Variants in SPRYD7 observed in about 807,000 individuals in gnomAD.
The protein encoded by SPRYD7 is SPRY domain containing 7, also known as SPRY domain-containing protein 7.
A neutral mutation model predicts 23.8 loss-of-function variants in SPRYD7; 14 were observed. The observed-to-expected ratio is 0.59, with a 90% CI of 0.39 to 0.92. The LOEUF is 0.92. SPRYD7 is among the 40% of genes least tolerant of loss of function. SPRYD7 has a pLI of 0.00. For synonymous variants in SPRYD7, 75 were observed against 84.9 expected (o/e 0.88, Z 0.64); for missense variants, 194 against 241.7 (o/e 0.80, Z 1.31).
chr13:49,926,670 A>G (rs1020019803), intron 3 of SPRYD7, among the ~76,000 whole-genome samples: 9 of 152,200 alleles, frequency 5.9e-5, no homozygotes, highest in African/African-American at 2.2e-4. Flanking sequence ...CTTAATTTCC[A>G]CACCTTTCTT....
chr13:49,926,078 T>C (rs1323855861), intron 3 of SPRYD7, among the ~76,000 whole-genome samples: 8 of 152,220 alleles, frequency 5.3e-5, no homozygotes, highest in Admixed American at 5.2e-4. Flanking sequence ...TAAAATTTGT[T>C]CTCCAGTGTT....
intron 4 of SPRYD7, among the ~76,000 whole-genome samples, chr13:49,918,712 T>G (rs949939768): frequency 1.3e-5 from 2 of 151,072 alleles, no homozygotes; most frequent in Non-Finnish European, 2.9e-5. Context: ...TTAATTTTAT[T>G]TTATTTTATT....
chr13:49,927,804 T>C (rs1955899031), intron 3 of SPRYD7, 115 bp downstream of exon 3: 9 of 1,101,362 alleles, frequency 8.2e-6, no homozygotes, highest in Non-Finnish European at 1.2e-5. Flanking sequence ...TCTCATTAGA[T>C]CCAATCCCAC....
rs533914754 is a variant in SPRYD7, at chr13:49,921,701, A to G, written c.391-121T>C. 73 of 619,584 alleles carry G rather than the reference A, an allele frequency of 1.2e-4. No homozygotes were observed. In the East Asian group the frequency reaches 1.9e-3, roughly 16 times the overall value. The allele number at this position is 619,584 out of a possible 1,614,324, so 38.4% of individuals were successfully genotyped here. A position where few individuals can be genotyped will look rare whatever the true frequency, so the allele number is the denominator to read the frequency against. On this transcript the variant is annotated intron_variant, in intron 3 of 4. Transcript: ENST00000361840. ...ACAACAATTTTCATTAAGGGTTGAC[A>G]ATTTGGTAGAATCCTACTTGAACTG...
intron 1 of SPRYD7, among the ~76,000 whole-genome samples, chr13:49,933,921 A>T (rs1871496036): frequency 6.6e-6 from 1 of 152,186 alleles, no homozygotes; most frequent in African/African-American, 2.4e-5. Context: ...GGCATCAATG[A>T]TAATACTTAC....
intron 1 of SPRYD7, chr13:49,935,806 G>T: frequency 4.6e-6 from 1 of 219,622 alleles, no homozygotes; most frequent in Non-Finnish European, 8.9e-6. Context: ...GTTTTCACTG[G>T]GGCGCGCCAG....
At chr13:49,920,909 T>C (rs914796908) in intron 4 of SPRYD7, among the ~76,000 whole-genome samples, 1 of 152,032 alleles carries the variant, frequency 6.6e-6, no homozygotes, top group Admixed American at 6.6e-5. Context: ...TGCAGTGAGC[T>C]GAGATCGTGT....
At chr13:49,921,975 GT>G (rs1395231305) in intron 3 of SPRYD7, among the ~76,000 whole-genome samples, 65 of 151,900 alleles carry the variant, frequency 4.3e-4, no homozygotes, top group Non-Finnish European at 2.9e-5. Flanking sequence ...AAACAATGAG[GT>G]TTTTTTCACT....
chr13:49,930,512 C>T (rs898630642), intron 2 of SPRYD7, among the ~76,000 whole-genome samples: 2 of 151,548 alleles, frequency 1.3e-5, no homozygotes, highest in Non-Finnish European at 2.9e-5. Context: ...ACCCGGGAGG[C>T]GGAGGTTGCC....
chr13:49,915,000 G>T lies in SPRYD7; in HGVS notation c.*63C>A. On this transcript the variant is annotated 3_prime_UTR_variant, in exon 5 of 5. Coordinates refer to ENST00000361840, the MANE Select transcript of SPRYD7 (RefSeq NM_020456.4). ...TATTTTCATCTATAGGCCAGGTAAA[G>T]TTTTATTAAATGATGAACATTTTTT... The T allele has an allele frequency of 2.1e-6, 2 of 955,762 alleles. No homozygotes were observed. The highest frequency in any genetic ancestry group is 2.9e-4 in the Middle Eastern group (1 of 3,446). The allele number at this position is 955,762 out of a possible 1,614,324, so 59.2% of individuals were successfully genotyped here.
chr13:49,929,595 A>C (rs1462837751), intron 2 of SPRYD7, among the ~76,000 whole-genome samples: 1 of 151,944 alleles, frequency 6.6e-6, no homozygotes, highest in Non-Finnish European at 1.5e-5. Flanking sequence ...TCCTGGGTTC[A>C]AGCGATTCTC....
chr13:49,921,623 T>C (rs2138220439), intron 3 of SPRYD7, 43 bp from the exon 4 acceptor site: 1 of 1,230,120 alleles, frequency 8.1e-7, no homozygotes, highest in East Asian at 2.3e-5. Context: ...AGCTGAGCCG[T>C]CAGAAAGCAT....
chr13:49,929,518 CAG>C (rs1440814694), intron 2 of SPRYD7, among the ~76,000 whole-genome samples: 1 of 151,998 alleles, frequency 6.6e-6, no homozygotes, highest in Non-Finnish European at 1.5e-5. Context: ...TTTTTTGAGA[CAG>C]AGTCTTGTAC....
At chr13:49,928,254 C>G (rs1411633489) in intron 2 of SPRYD7, among the ~76,000 whole-genome samples, 169 bp from the exon 3 acceptor site, 1 of 152,176 alleles carries the variant, frequency 6.6e-6, no homozygotes, top group Non-Finnish European at 1.5e-5. Flanking sequence ...CCAGCCTGGG[C>G]AACATGCCCA....
intron 1 of SPRYD7, among the ~76,000 whole-genome samples, chr13:49,932,185 C>G (rs1422520715): frequency 6.6e-6 from 1 of 152,102 alleles, no homozygotes; most frequent in Non-Finnish European, 1.5e-5. Flanking sequence ...CTACTAAATA[C>G]AAGCTACTAT....
intron 4 of SPRYD7, among the ~76,000 whole-genome samples, chr13:49,918,284 C>T (rs1469680761): frequency 1.3e-5 from 2 of 152,106 alleles, no homozygotes; most frequent in African/African-American, 4.8e-5. Flanking sequence ...GGCTGGTCTT[C>T]AACTCCTGGA....
At chr13:49,918,931 G>A (rs1054111898) in intron 4 of SPRYD7, among the ~76,000 whole-genome samples, 2 of 151,118 alleles carry the variant, frequency 1.3e-5, no homozygotes, top group Non-Finnish European at 2.9e-5. Flanking sequence ...GGCCAGGCTG[G>A]TCTCAAACTC....
At chr13:49,920,065 T>C (rs1053151394) in intron 4 of SPRYD7, among the ~76,000 whole-genome samples, 3 of 151,834 alleles carry the variant, frequency 2.0e-5, no homozygotes, top group Admixed American at 2.0e-4. Flanking sequence ...TTTTCTATAA[T>C]AAAAATTAAG....
intron 1 of SPRYD7, among the ~76,000 whole-genome samples, 199 bp downstream of exon 1, chr13:49,935,931 G>A (rs1452844114): frequency 6.6e-6 from 1 of 152,140 alleles, no homozygotes; most frequent in Non-Finnish European, 1.5e-5. Flanking sequence ...GACACAGAGA[G>A]GGCTGCGCAG....
Sources: gnomAD v4.1 joint callset for allele counts (sites outside exome capture counted in the v4.1 genomes callset) on GRCh38, gnomAD v4.1.1 for gene constraint, MANE v1.5 for transcripts, NCBI Gene and HGNC (gene_info 2026-07-23, HGNC 2026-07-21) for gene names.